The following NEBL variants were observed in gnomAD, a reference collection of about 807,000 sequenced individuals.
NEBL encodes nebulette.
NEBL carries 122 observed loss-of-function variants against 140.2 expected under a neutral mutation model. That is an observed-to-expected ratio of 0.87 (90% CI 0.75 to 1.01). The LOEUF is 1.01. NEBL is among the 50% of genes least tolerant of loss of function. The probability of loss-of-function intolerance (pLI) is 0.00; values close to 1 mark genes in which losing one functional copy is unlikely to be tolerated. For synonymous variants in NEBL, 436 were observed against 398.9 expected (o/e 1.09, Z -1.11); for missense variants, 1,365 against 1,231.3 (o/e 1.11, Z -1.62).
At chr10:21,263,961 G>A (rs188672973) in intron 1 of NEBL, among the ~76,000 whole-genome samples, 29 of 152,254 alleles carry the variant, frequency 1.9e-4, no homozygotes, top group Middle Eastern at 3.4e-3. Context: ...GTGAAACTCC[G>A]TCTCAAACAA....
intron 3 of NEBL, among the ~76,000 whole-genome samples, chr10:21,203,842 C>A (rs1391997257): frequency 1.3e-5 from 2 of 152,168 alleles, no homozygotes; most frequent in Non-Finnish European, 2.9e-5. Context: ...CTTTTCCAGG[C>A]CCCCTTGCAG....
intron 3 of NEBL, among the ~76,000 whole-genome samples, chr10:21,191,396 ATTTTCATCCAGACCATCTGGC>A: frequency 1.3e-5 from 2 of 152,298 alleles, no homozygotes; most frequent in East Asian, 3.9e-4. Context: ...AAGAATCTGG[ATTTTCATCCAGACCATCTGGC>A]TTTGGAGTTG....
At chr10:21,042,946 A>T (rs1834337878) in intron 2 of NEBL, among the ~76,000 whole-genome samples, 1 of 152,236 alleles carries the variant, frequency 6.6e-6, no homozygotes, top group South Asian at 2.1e-4. Context: ...AAGTCCTCTG[A>T]GGAAGACTTT....
intron 7 of NEBL, among the ~76,000 whole-genome samples, chr10:20,865,373 C>G (rs1844169089): frequency 6.6e-6 from 1 of 152,082 alleles, no homozygotes; most frequent in East Asian, 1.9e-4. Flanking sequence ...TGCTGTCATC[C>G]CTATTTTACA....
intron 2 of NEBL, among the ~76,000 whole-genome samples, chr10:21,132,350 G>T (rs1357253811): frequency 6.6e-6 from 1 of 152,146 alleles, no homozygotes; most frequent in Non-Finnish European, 1.5e-5. Flanking sequence ...GTGTTCCATT[G>T]TATAGATGTG....
intron 3 of NEBL, among the ~76,000 whole-genome samples, chr10:21,232,803 C>G (rs1301497455): frequency 3.9e-5 from 6 of 152,178 alleles, no homozygotes; most frequent in African/African-American, 1.4e-4. Context: ...CTTACATTTT[C>G]AAACAATCAC....
At chr10:21,214,533 A>G (rs1261280933) in intron 3 of NEBL, among the ~76,000 whole-genome samples, 2 of 151,344 alleles carry the variant, frequency 1.3e-5, no homozygotes, top group African/African-American at 2.4e-5. Context: ...CATTACACAC[A>G]CATACACACA....
At chr10:21,172,979 C>A (rs1564535935) in intron 1 of NEBL, among the ~76,000 whole-genome samples, 2 of 152,192 alleles carry the variant, frequency 1.3e-5, no homozygotes, top group South Asian at 2.1e-4. Context: ...GGACTCTGCC[C>A]GGGATGACTG....
At chr10:21,040,675 T>G (rs1229213334) in intron 2 of NEBL, among the ~76,000 whole-genome samples, 1 of 151,372 alleles carries the variant, frequency 6.6e-6, no homozygotes, top group East Asian at 1.9e-4. Context: ...TCACATTTCT[T>G]TTTTTTTTCT....
intron 4 of NEBL, among the ~76,000 whole-genome samples, chr10:20,949,362 T>C (rs1835335639): frequency 6.6e-6 from 1 of 152,124 alleles, no homozygotes; most frequent in South Asian, 2.1e-4. Flanking sequence ...GTTTAAAACC[T>C]AGGTGACGGA....
intron 2 of NEBL, among the ~76,000 whole-genome samples, chr10:21,046,391 T>C (rs1834515438): frequency 6.6e-6 from 1 of 152,222 alleles, no homozygotes; most frequent in Admixed American, 6.5e-5. Flanking sequence ...TACGAGGTAA[T>C]ACATATGTTA....
Position 21,116,477 on chromosome 10 carries a change from A to C in NEBL, c.164+55906T>G, listed in dbSNP as rs374529495. Among the ~76,000 whole-genome samples, 4 of 152,224 alleles carry C rather than the reference A, an allele frequency of 2.6e-5. No homozygotes were observed. The South Asian group carries it at 8.3e-4, about 32-fold the overall frequency. ...CCAAATTACCAAAGTGTCCATCTCCAATTATCATCACATTAAGAGTTAGGA... is the reference window on the plus strand; with the variant it reads ...CCAAATTACCAAAGTGTCCATCTCCCATTATCATCACATTAAGAGTTAGGA... On this transcript the variant is annotated intron_variant, in intron 2 of 6. Transcript: ENST00000417816.
chr10:21,272,991 C>T lies in NEBL; in HGVS notation n.182+19839G>A, dbSNP rs553989099. On this transcript the variant is annotated intron_variant and non_coding_transcript_variant, in intron 1 of 8. Coordinates refer to the NEBL transcript ENST00000675702. ...GGCTCCTTCTTACTCTGCCACCCCG[C>T]CCCAACCAAAACAAACAAACAAAAA... 8.5e-5 allele frequency among the ~76,000 whole-genome samples: 13 copies of T among 152,240 alleles called. No individual in the cohort carries two copies. The South Asian group carries it at 2.1e-3, about 24-fold the overall frequency.
At chr10:21,046,306 CAT>C (rs1834511052) in intron 2 of NEBL, among the ~76,000 whole-genome samples, 4 of 152,152 alleles carry the variant, frequency 2.6e-5, no homozygotes, top group Admixed American at 2.6e-4. Context: ...ACATACTGTA[CAT>C]CATGATGACT....
Position 20,785,753 on chromosome 10 carries a change from A to T in NEBL, c.3039T>A (p.Val1013=), listed in dbSNP as rs1588585749. ...AAAGGGCAGGGAGAAATAATTAATTAACAAACTCAATGTAATTCGCTGGGA... is the reference window on the plus strand; with the variant it reads ...AAAGGGCAGGGAGAAATAATTAATTTACAAACTCAATGTAATTCGCTGGGA... ...GMLPANYIEF[V]N Residue 1013 remains valine (V), a synonymous_variant, in exon 28 of 28, where the codon GTT becomes GTA. Coordinates refer to ENST00000377122, the MANE Select transcript of NEBL (RefSeq NM_006393.3). The T allele has an allele frequency of 6.2e-7, 1 of 1,613,738 alleles. No homozygotes were observed. The highest frequency in any genetic ancestry group is 1.7e-5 in the Admixed American group (1 of 60,000).
chr10:21,049,719 G>C (rs1301107796), intron 2 of NEBL, among the ~76,000 whole-genome samples: 3 of 152,104 alleles, frequency 2.0e-5, no homozygotes, highest in African/African-American at 7.2e-5. Flanking sequence ...CTGTTCTCAT[G>C]CTTCTCCCCC....
intron 19 of NEBL, among the ~76,000 whole-genome samples, 168 bp downstream of exon 19, chr10:20,823,040 T>C (rs929709590): frequency 2.6e-5 from 4 of 152,152 alleles, no homozygotes; most frequent in African/African-American, 4.8e-5. Flanking sequence ...TTAGGCTAGG[T>C]GTCATGGAGG....
chr10:21,208,535 G>A (rs146897504), intron 3 of NEBL, among the ~76,000 whole-genome samples: 167 of 152,138 alleles, frequency 1.1e-3, no homozygotes, highest in African/African-American at 3.7e-3. Flanking sequence ...AAGTTTATAG[G>A]GACAGTTTCA....
chr10:21,044,052 G>A (rs751148581), intron 2 of NEBL, among the ~76,000 whole-genome samples: 1 of 152,108 alleles, frequency 6.6e-6, no homozygotes, highest in African/African-American at 2.4e-5. Flanking sequence ...TATTTCAGAG[G>A]AACATTCCCT....
Sources: gnomAD v4.1 joint callset for allele counts (sites outside exome capture counted in the v4.1 genomes callset) on GRCh38, gnomAD v4.1.1 for gene constraint, MANE v1.5 for transcripts, NCBI Gene and HGNC (gene_info 2026-07-23, HGNC 2026-07-21) for gene names.